The following SF3B1 variants were observed in gnomAD, a reference collection of about 807,000 sequenced individuals.
SF3B1 encodes the protein splicing factor 3b subunit 1.
A neutral mutation model predicts 153.8 loss-of-function variants in SF3B1; 12 were observed. That is an observed-to-expected ratio of 0.08 (90% CI 0.05 to 0.13). The LOEUF (loss-of-function observed/expected upper bound fraction) is 0.13. Ranked by LOEUF, SF3B1 falls within the 10% of genes least tolerant of loss-of-function variation. SF3B1 has a pLI of 1.00. For synonymous variants in SF3B1, 498 were observed against 525.2 expected, an observed-to-expected ratio of 0.95 and a Z score of 0.71; for missense variants, 513 against 1,606.1, an observed-to-expected ratio of 0.32 and a Z score of 11.63.
intron 6 of SF3B1, 105 bp downstream of exon 6, chr2:197,416,636 G>T: frequency 1.1e-6 from 1 of 929,204 alleles, no homozygotes; most frequent in Non-Finnish European, 1.6e-6. Flanking sequence ...GTTGTTTAAG[G>T]CACCCAGTCT....
At chr2:197,412,924 C>T (rs2085092787) in intron 6 of SF3B1, among the ~76,000 whole-genome samples, 1 of 132,714 alleles carries the variant, frequency 7.5e-6, no homozygotes, top group Admixed American at 8.3e-5. Context: ...TTGCAGGGGA[C>T]CAAAATCATC....
Position 197,390,644 on chromosome 2 carries a change from G to T in SF3B1, c.*1659C>A, listed in dbSNP as rs368341219. ...TTTTTTTTGAGACGGAGTCTCTGTC[G>T]CCCAGGCTGGAGTGTAGCAGCGCTA... On this transcript the variant is annotated 3_prime_UTR_variant, in exon 25 of 25. Transcript: ENST00000335508. 6.8e-6 allele frequency: 1 copy of T among 146,366 alleles called. No homozygotes were observed. The highest frequency in any genetic ancestry group is 2.5e-5 in the African/African-American group (1 of 39,224). 9.1% of individuals were successfully genotyped at this position (146,366 alleles called of 1,614,324 possible). A position where few individuals can be genotyped will look rare whatever the true frequency, so the allele number is the denominator to read the frequency against.
rs777051275 is a variant in SF3B1 at position 197,400,378 on chromosome 2, G to A, written c.2775C>T (p.Val925=). The change falls in exon 19 of 25, where the codon GTC becomes GTT. Residue 925 remains valine (V), a synonymous_variant. Coordinates refer to ENST00000335508, the MANE Select transcript of SF3B1 (RefSeq NM_012433.4). The surrounding 1 kb of genome is among the most constrained non-coding windows in gnomAD (Gnocchi z 5.0). ...CACAGATCTGAGGCAAGTATGGTTT[G>A]ACTCGTTTGCCAAGAGCATTAACCA... ...GTVVNALGKR[V]KPYLPQICGT... The A allele has an allele frequency of 2.5e-6, 4 of 1,613,786 alleles. No homozygotes were observed. The highest frequency in any genetic ancestry group is 3.4e-6 in the Non-Finnish European group (4 of 1,179,930).
rs2084814242 is a variant in SF3B1, at chr2:197,391,966, C to T, written c.*337G>A. 1 of 207,924 alleles carries T rather than the reference C, an allele frequency of 4.8e-6. No homozygotes were observed. The highest frequency in any genetic ancestry group is 9.8e-6 in the Non-Finnish European group (1 of 102,198). 12.9% of individuals were successfully genotyped at this position (207,924 alleles called of 1,614,324 possible). ...TTTTACAAGTCATGTTCAAAAAACA[C>T]ACACAAATTAGCATTTTGTACACAA... On this transcript the variant is annotated 3_prime_UTR_variant, in exon 25 of 25. Coordinates refer to ENST00000335508, the MANE Select transcript of SF3B1 (RefSeq NM_012433.4).
Position 197,400,457 on chromosome 2 carries a change from A to G in SF3B1, c.2719-23T>C, listed in dbSNP as rs1445856424. On this transcript the variant is annotated intron_variant, in intron 18 of 24. Coordinates refer to ENST00000335508, the MANE Select transcript of SF3B1 (RefSeq NM_012433.4). This position sits in a 1 kb window ranked among gnomAD's most constrained non-coding sequence, Gnocchi z 5.0. ...GTCCTAAAAAATAAATTTAAAAAAAAGACATATTCATTTGGTTTATGACTG... is the reference window on the plus strand; with the variant it reads ...GTCCTAAAAAATAAATTTAAAAAAAGGACATATTCATTTGGTTTATGACTG... The G allele has an allele frequency of 2.5e-6, 4 of 1,573,762 alleles. No individual in the cohort carries two copies. The African/African-American group carries it at 5.5e-5, about 22-fold the overall frequency.
chr2:197,399,396 T>C (rs931168907), intron 20 of SF3B1, among the ~76,000 whole-genome samples: 8 of 152,172 alleles, frequency 5.3e-5, no homozygotes, highest in African/African-American at 1.9e-4. Flanking sequence ...GGAGTTACAT[T>C]TGGCAACAGT....
At chr2:197,399,986 C>T (rs2105981234) in intron 20 of SF3B1, 69 bp downstream of exon 20, 1 of 1,108,370 alleles carries the variant, frequency 9.0e-7, no homozygotes, top group East Asian at 2.4e-5. Flanking sequence ...TAAGATTTTA[C>T]TTACGAAAAA....
At chr2:197,432,662 G>A (rs928560120) in intron 1 of SF3B1, among the ~76,000 whole-genome samples, 1 of 152,156 alleles carries the variant, frequency 6.6e-6, no homozygotes, top group South Asian at 2.1e-4. Flanking sequence ...TTGTGGTCAG[G>A]AGTTTGAGAC....
intron 7 of SF3B1, among the ~76,000 whole-genome samples, chr2:197,408,921 TCAA>T (rs369167542): frequency 8.5e-5 from 13 of 152,056 alleles, no homozygotes; most frequent in African/African-American, 1.9e-4. Context: ...AGACTCCATC[TCAA>T]CAACAACAAC....
At chr2:197,430,338 T>C (rs1274927884) in intron 1 of SF3B1, among the ~76,000 whole-genome samples, 1 of 152,196 alleles carries the variant, frequency 6.6e-6, no homozygotes. Context: ...TGCTTCAAAA[T>C]AATGGGAAGA....
In SF3B1 at chr2:197,400,502, G is replaced by A; in HGVS notation, c.2719-68C>T. 1 of 1,360,222 alleles carries A rather than the reference G, an allele frequency of 7.4e-7. No homozygotes were observed. Among genetic ancestry groups the A allele is most frequent in the South Asian group, 1.4e-5 (1 of 71,312 alleles). The allele number at this position is 1,360,222 out of a possible 1,614,324, so 84.3% of individuals were successfully genotyped here. ...TGACTGCACAGTTGAAATACACTAA[G>A]AGTCAACCTTTTCTAACCACCCAAA... On this transcript the variant is annotated intron_variant, in intron 18 of 24. Coordinates refer to ENST00000335508, the MANE Select transcript of SF3B1 (RefSeq NM_012433.4). This position sits in a 1 kb window ranked among gnomAD's most constrained non-coding sequence, Gnocchi z 5.0.
intron 3 of SF3B1, 78 bp from the exon 4 acceptor site, chr2:197,420,620 AC>A: frequency 1.2e-6 from 1 of 849,552 alleles, no homozygotes; most frequent in Non-Finnish European, 1.9e-6. Context: ...AAATCAGAAC[AC>A]CATAAAGCAC....
intron 6 of SF3B1, among the ~76,000 whole-genome samples, chr2:197,412,806 G>A (rs1025011287): frequency 3.3e-5 from 5 of 150,300 alleles, no homozygotes; most frequent in African/African-American, 9.8e-5. Flanking sequence ...CCAACACTGC[G>A]AAACCCTGTC....
intron 11 of SF3B1, chr2:197,404,585 A>G (rs2084969431): frequency 6.6e-6 from 1 of 152,274 alleles, no homozygotes; most frequent in African/African-American, 2.4e-5. Context: ...TCAAAAATAT[A>G]TATATAATAT....
At chr2:197,427,977 C>A (rs530525911) in intron 1 of SF3B1, among the ~76,000 whole-genome samples, 1 of 152,110 alleles carries the variant, frequency 6.6e-6, no homozygotes, top group Non-Finnish European at 1.5e-5. Context: ...GAGATCGCAC[C>A]ACTGCACTCC....
chr2:197,393,443 T>C, intron 23 of SF3B1: 1 of 483,570 alleles, frequency 2.1e-6, no homozygotes, highest in Non-Finnish European at 3.6e-6. Context: ...TTAAGCCATA[T>C]TTTCTAATTA....
At position 197,389,967 on chromosome 2, in the gene SF3B1, ATTTC is replaced by A. The variant is rs1054067615; in HGVS notation, c.*2332_*2335del. The A allele has an allele frequency of 6.6e-6, 1 of 152,264 alleles. No individual in the cohort carries two copies. The highest frequency in any genetic ancestry group is 2.4e-5 in the African/African-American group (1 of 41,466). The allele number at this position is 152,264 out of a possible 1,614,324, so 9.4% of individuals were successfully genotyped here. A position where few individuals can be genotyped will look rare whatever the true frequency, so the allele number is the denominator to read the frequency against. ...AAACCCACCCTGTCTCCTTAAGAAC[ATTTC>A]TTTGTTTGGCTTTAAGAAACACCAA... On this transcript the variant is annotated 3_prime_UTR_variant, in exon 25 of 25. Transcript: ENST00000335508.
At chr2:197,393,398 G>A (rs991772612) in intron 23 of SF3B1, 7 of 538,608 alleles carry the variant, frequency 1.3e-5, no homozygotes, top group African/African-American at 1.9e-5. Context: ...GAGGACTTTT[G>A]CTTTAATTAC....
intron 8 of SF3B1, 78 bp downstream of exon 8, chr2:197,408,291 G>A (rs770789499): frequency 3.5e-6 from 5 of 1,418,124 alleles, no homozygotes; most frequent in Non-Finnish European, 4.9e-6. Flanking sequence ...GACATTAATA[G>A]TACACAGAAT....
Sources: gnomAD v4.1 joint callset for allele counts (sites outside exome capture counted in the v4.1 genomes callset) on GRCh38, gnomAD v4.1.1 for gene constraint, Gnocchi (gnomAD v3.1) non-coding constraint, MANE v1.5 for transcripts, NCBI Gene and HGNC (gene_info 2026-07-23, HGNC 2026-07-21) for gene names.